BLVRA: variants seen among roughly 807,000 people sequenced by gnomAD.
BLVRA encodes the protein biliverdin reductase A.
In BLVRA, 22 loss-of-function variants were observed where a neutral mutation model predicts 32.8. The observed-to-expected ratio is 0.67, with a 90% CI of 0.48 to 0.96. BLVRA has a LOEUF of 0.96. Among genes scored for constraint, BLVRA ranks in the 40% least tolerant of loss-of-function variants. The probability of loss-of-function intolerance (pLI) is 0.00; values close to 1 mark genes in which losing one functional copy is unlikely to be tolerated. For synonymous variants in BLVRA, 119 were observed against 141.3 expected (o/e 0.84, Z 1.12); for missense variants, 323 against 358.1 (o/e 0.90, Z 0.79).
At position 43,803,851 on chromosome 7, in the gene BLVRA, A is replaced by T; in HGVS notation, c.632+4A>T. ...GTCTGGAGACAGAGAAGAAAAGGTA[A>T]GTCATGAGAAGCCATGAGGAGGAGG... On this transcript the variant is annotated splice_donor_region_variant and intron_variant, in intron 7 of 7. Transcript: ENST00000265523. 6.2e-7 allele frequency: 1 copy of T among 1,613,844 alleles called. No individual in the cohort carries two copies.
At chr7:43,762,702 C>T (rs1245794714) in intron 1 of BLVRA, among the ~76,000 whole-genome samples, 1 of 150,594 alleles carries the variant, frequency 6.6e-6, no homozygotes, top group Non-Finnish European at 1.5e-5. Flanking sequence ...ACCTCCGCCT[C>T]CCAGGTTCGA....
intron 3 of BLVRA, among the ~76,000 whole-genome samples, chr7:43,789,362 C>T (rs1563545990): frequency 1.3e-5 from 2 of 152,184 alleles, no homozygotes; most frequent in African/African-American, 2.4e-5. Flanking sequence ...AACATGGCCC[C>T]ACTTTTAAGG....
At chr7:43,758,299 C>T (rs940814925), upstream of BLVRA, among the ~76,000 whole-genome samples, 1 of 152,100 alleles carries the variant, frequency 6.6e-6, no homozygotes, top group African/African-American at 2.4e-5. Flanking sequence ...GAGTGGGGGG[C>T]GGATAAGAGA....
chr7:43,784,598 C>CTTT (rs5883874), intron 2 of BLVRA, among the ~76,000 whole-genome samples: 9 of 85,238 alleles, frequency 1.1e-4, no homozygotes, highest in Non-Finnish European at 1.2e-4. Flanking sequence ...TCACTCATAT[C>CTTT]TTTTTTTTTT....
intron 5 of BLVRA, 113 bp from the exon 6 acceptor site, chr7:43,800,352 G>C: frequency 1.0e-6 from 1 of 997,410 alleles, no homozygotes; most frequent in Non-Finnish European, 1.6e-6. Context: ...CATGTGCCCA[G>C]GGCAGTTATG....
rs547425801 is a variant in BLVRA, at chr7:43,774,202, G to A, written c.12+3032G>A. Among the ~76,000 whole-genome samples, 624 of 152,316 alleles carry A rather than the reference G, an allele frequency of 4.1e-3. 3 individuals carry two copies. The highest frequency in any genetic ancestry group is 7.6e-3 in the Admixed American group (117 of 15,300). On this transcript the variant is annotated intron_variant, in intron 2 of 7. Transcript: ENST00000265523. ...CCATTGCTTTTGGTGTTTTAGACAT[G>A]AAGTCCTTGCCCATGCCTATGTCCT...
chr7:43,758,452 T>G (rs1208412291), upstream of BLVRA, among the ~76,000 whole-genome samples: 1 of 118,654 alleles, frequency 8.4e-6, no homozygotes, highest in African/African-American at 2.7e-5. Flanking sequence ...GCCACCAAGC[T>G]GGGTGCAGAG....
At chr7:43,768,683 A>C (rs1011804492) in intron 1 of BLVRA, among the ~76,000 whole-genome samples, 1 of 152,080 alleles carries the variant, frequency 6.6e-6, no homozygotes, top group African/African-American at 2.4e-5. Context: ...TTATCTGACT[A>C]TCACTCACGT....
At chr7:43,776,739 G>A (rs1271369540) in intron 2 of BLVRA, among the ~76,000 whole-genome samples, 2 of 152,018 alleles carry the variant, frequency 1.3e-5, no homozygotes, top group Admixed American at 6.5e-5. Flanking sequence ...GTTGACAGTG[G>A]GGTGTTAAAG....
intron 5 of BLVRA, among the ~76,000 whole-genome samples, chr7:43,795,932 CA>C (rs1396836368): frequency 6.6e-6 from 1 of 151,736 alleles, no homozygotes; most frequent in Non-Finnish European, 1.5e-5. Context: ...AGTGCAACCC[CA>C]TCTCTACTAA....
chr7:43,785,276 G>A (rs2095775823), intron 2 of BLVRA, among the ~76,000 whole-genome samples: 1 of 151,024 alleles, frequency 6.6e-6, no homozygotes, highest in Non-Finnish European at 1.5e-5. Context: ...TATGTGTTTT[G>A]GCTGTACAGA....
chr7:43,790,901 G>A (rs974144704), intron 3 of BLVRA, among the ~76,000 whole-genome samples: 2 of 152,172 alleles, frequency 1.3e-5, no homozygotes, highest in African/African-American at 2.4e-5. Context: ...TTGAACTCCT[G>A]ACCTCAAGTG....
At chr7:43,792,158 C>T (rs1299198534) in intron 4 of BLVRA, among the ~76,000 whole-genome samples, 2 of 152,170 alleles carry the variant, frequency 1.3e-5, no homozygotes, top group East Asian at 3.8e-4. Context: ...CGTTATTATC[C>T]TCCACGGCCT....
At chr7:43,801,452 G>A (rs896227714) in intron 6 of BLVRA, among the ~76,000 whole-genome samples, 23 of 152,130 alleles carry the variant, frequency 1.5e-4, no homozygotes, top group Admixed American at 1.3e-4. Flanking sequence ...TGGGCACCTG[G>A]GCCACCATTC....
At chr7:43,778,308 C>T (rs912798314) in intron 2 of BLVRA, among the ~76,000 whole-genome samples, 63 of 152,324 alleles carry the variant, frequency 4.1e-4, no homozygotes, top group Non-Finnish European at 7.1e-4. Context: ...TGGTGATGTA[C>T]AGATGGGTTT....
At chr7:43,766,346 A>C (rs2095747933) in intron 1 of BLVRA, among the ~76,000 whole-genome samples, 1 of 151,970 alleles carries the variant, frequency 6.6e-6, no homozygotes, top group African/African-American at 2.4e-5. Flanking sequence ...GTATCTATTT[A>C]ATATAAGTCT....
intron 1 of BLVRA, among the ~76,000 whole-genome samples, chr7:43,760,320 T>C (rs1356623427): frequency 6.6e-6 from 1 of 152,246 alleles, no homozygotes; most frequent in Non-Finnish European, 1.5e-5. Context: ...TCTACACTGC[T>C]TATTACTCCC....
chr7:43,782,946 A>C (rs2095771851), intron 2 of BLVRA, among the ~76,000 whole-genome samples: 1 of 150,930 alleles, frequency 6.6e-6, no homozygotes, highest in Non-Finnish European at 1.5e-5. Flanking sequence ...CAGGGCCAGG[A>C]GGGGTGAGAG....
At chr7:43,805,839 C>T (rs2095803526) in intron 7 of BLVRA, among the ~76,000 whole-genome samples, 1 of 152,060 alleles carries the variant, frequency 6.6e-6, no homozygotes, top group Non-Finnish European at 1.5e-5. Context: ...TCAAGCGATC[C>T]ACCCACATCA....
Sources: allele counts gnomAD v4.1 joint callset (sites outside exome capture counted in the v4.1 genomes callset), GRCh38; gene constraint gnomAD v4.1.1; transcripts MANE v1.5; gene names NCBI Gene and HGNC (gene_info 2026-07-23, HGNC 2026-07-21).